Variants in SH2D4A observed in about 807,000 individuals in gnomAD.
The protein encoded by SH2D4A is SH2 domain-containing protein 4A.
In SH2D4A, 70 loss-of-function variants were observed where a neutral mutation model predicts 64.7. That is an observed-to-expected ratio of 1.08 (90% confidence interval 0.89 to 1.32). SH2D4A has a LOEUF of 1.32. SH2D4A is among the 40% of genes most tolerant of loss of function. The pLI is 0.00. For missense variants in SH2D4A, 706 were observed against 540.1 expected (o/e 1.31, Z -3.04); for synonymous variants, 268 against 200.7 (o/e 1.34, Z -2.83).
intron 5 of SH2D4A, among the ~76,000 whole-genome samples, chr8:19,359,461 C>T (rs990195049): frequency 2.6e-4 from 40 of 152,090 alleles, no homozygotes; most frequent in African/African-American, 7.5e-4. Context: ...GTTTCCTAAC[C>T]GTTTAAAAAT....
At chr8:19,378,482 C>G (rs1039152849) in intron 8 of SH2D4A, among the ~76,000 whole-genome samples, 4 of 152,160 alleles carry the variant, frequency 2.6e-5, no homozygotes, top group African/African-American at 9.6e-5. Context: ...GTTGCCCAGG[C>G]TGGAGTGCAG....
At chr8:19,358,682 C>T (rs903078210) in intron 5 of SH2D4A, among the ~76,000 whole-genome samples, 9 of 152,128 alleles carry the variant, frequency 5.9e-5, no homozygotes, top group South Asian at 2.1e-4. Flanking sequence ...CTCTGTAGAA[C>T]AAAGGTGATA....
At chr8:19,385,864 G>A (rs2053382146) in intron 8 of SH2D4A, among the ~76,000 whole-genome samples, 1 of 152,206 alleles carries the variant, frequency 6.6e-6, no homozygotes, top group African/African-American at 2.4e-5. Context: ...GAAGAATGGA[G>A]ATTTCTTAAT....
chr8:19,345,210 G>A (rs2052594120), intron 4 of SH2D4A, among the ~76,000 whole-genome samples: 1 of 152,208 alleles, frequency 6.6e-6, no homozygotes, highest in Non-Finnish European at 1.5e-5. Flanking sequence ...GATGAGCCAG[G>A]ACAGGACCTC....
At chr8:19,371,283 T>C (rs1285897921) in intron 7 of SH2D4A, among the ~76,000 whole-genome samples, 7 of 152,178 alleles carry the variant, frequency 4.6e-5, no homozygotes, top group Non-Finnish European at 8.8e-5. Flanking sequence ...CCTCAGCTTT[T>C]GTTTGTGTGG....
intron 8 of SH2D4A, among the ~76,000 whole-genome samples, chr8:19,374,264 C>T (rs1463826426): frequency 6.6e-6 from 1 of 152,126 alleles, no homozygotes; most frequent in Non-Finnish European, 1.5e-5. Context: ...GTATTTGACC[C>T]AAGAAACTTG....
Position 19,384,224 on chromosome 8 carries a change from G to A in SH2D4A, c.1049-9094G>A, listed in dbSNP as rs187312521. ...GCAACAGTAATTTGGAAGGACAGAG[G>A]GTCAACACCCTCACCAACAGAGAAT... On this transcript the variant is annotated intron_variant, in intron 8 of 9. Transcript: ENST00000265807. Among the ~76,000 whole-genome samples the A allele has an allele frequency of 1.6e-4, 25 of 152,248 alleles. No individual in the cohort carries two copies. The East Asian group carries it at 4.8e-3, about 29-fold the overall frequency.
intron 4 of SH2D4A, among the ~76,000 whole-genome samples, chr8:19,356,220 C>T (rs529351198): frequency 2.0e-5 from 3 of 152,194 alleles, no homozygotes; most frequent in South Asian, 2.1e-4. Context: ...TTGGGAAATG[C>T]GGTATAGTGG....
chr8:19,319,467 T>G lies in SH2D4A; in HGVS notation c.-81T>G. 1 of 1,375,068 alleles carries G rather than the reference T, an allele frequency of 7.3e-7. No individual in the cohort carries two copies. The highest frequency in any genetic ancestry group is 2.1e-5 in the South Asian group (1 of 47,224). 85.2% of individuals were successfully genotyped at this position (1,375,068 alleles called of 1,614,324 possible). On this transcript the variant is annotated 5_prime_UTR_variant, in exon 2 of 10. Coordinates refer to ENST00000265807, the MANE Select transcript of SH2D4A (RefSeq NM_022071.4). Reference sequence around the variant, plus strand: ...GGGAAGTTTCGTGGAAACGCCCAAGTGCCAGCACAGGTGGAGGGACACCTG... The same window carrying G: ...GGGAAGTTTCGTGGAAACGCCCAAGGGCCAGCACAGGTGGAGGGACACCTG...
intron 6 of SH2D4A, 48 bp from the exon 7 acceptor site, chr8:19,364,024 T>G (rs1362635723): frequency 6.3e-7 from 1 of 1,588,180 alleles, no homozygotes; most frequent in Non-Finnish European, 8.6e-7. Context: ...CCTTCTCACC[T>G]GCTCTGTGGG....
chr8:19,385,361 C>T (rs1048816555), intron 8 of SH2D4A, among the ~76,000 whole-genome samples: 1 of 152,106 alleles, frequency 6.6e-6, no homozygotes, highest in African/African-American at 2.4e-5. Flanking sequence ...AAGGCATGGG[C>T]CACCACACCC....
intron 4 of SH2D4A, 30 bp downstream of exon 4, chr8:19,334,887 A>G (rs555026833): frequency 5.1e-6 from 8 of 1,563,524 alleles, no homozygotes; most frequent in Non-Finnish European, 6.9e-6. Flanking sequence ...AGACGTGCGG[A>G]ATTTCATCAT....
At chr8:19,359,612 C>G (rs919994041) in intron 5 of SH2D4A, among the ~76,000 whole-genome samples, 1 of 152,138 alleles carries the variant, frequency 6.6e-6, no homozygotes. Context: ...TTTAACAGTC[C>G]TTTCAAACAT....
At chr8:19,347,057 A>G (rs2052624361) in intron 4 of SH2D4A, among the ~76,000 whole-genome samples, 1 of 152,140 alleles carries the variant, frequency 6.6e-6, no homozygotes. Flanking sequence ...CCCTCTGTAA[A>G]ATAGCTGGCT....
intron 1 of SH2D4A, among the ~76,000 whole-genome samples, chr8:19,314,456 G>T (rs554783944): frequency 1.3e-3 from 201 of 152,194 alleles, no homozygotes; most frequent in Non-Finnish European, 1.8e-3. Flanking sequence ...TGCAGCGGCG[G>T]GGCTGGCCCA....
chr8:19,333,138 G>C, intron 3 of SH2D4A, 24 bp downstream of exon 3: 1 of 1,597,270 alleles, frequency 6.3e-7, no homozygotes, highest in Non-Finnish European at 8.5e-7. Flanking sequence ...AAACCAACCA[G>C]AGACTTAAAG....
chr8:19,377,880 A>G (rs2053223383), intron 8 of SH2D4A, among the ~76,000 whole-genome samples: 1 of 152,174 alleles, frequency 6.6e-6, no homozygotes, highest in Non-Finnish European at 1.5e-5. Flanking sequence ...GTTACACTGC[A>G]TATTGCTACA....
Position 19,317,506 on chromosome 8 carries a change from GTT to G in SH2D4A, c.-204-1836_-204-1835del, listed in dbSNP as rs1291228272. Among the ~76,000 whole-genome samples the G allele has an allele frequency of 5.3e-5, 4 of 75,446 alleles. No individual in the cohort carries two copies. In the Admixed American group the frequency reaches 5.8e-4, roughly 11 times the overall value. 49.5% of individuals were successfully genotyped at this position (75,446 alleles called of 152,430 possible). A position where few individuals can be genotyped will look rare whatever the true frequency, so the allele number is the denominator to read the frequency against. ...GTTGCAGTCAGTAGGGATAGGTGTA[GTT>G]TCATCAAGGGCCTGGCTTCACAATG... is the stretch of plus-strand genomic sequence containing the variant. On this transcript the variant is annotated intron_variant, in intron 1 of 9. Transcript: ENST00000265807.
At chr8:19,382,284 G>C (rs2053306628) in intron 8 of SH2D4A, among the ~76,000 whole-genome samples, 1 of 152,068 alleles carries the variant, frequency 6.6e-6, no homozygotes, top group Admixed American at 6.6e-5. Context: ...AAAGAATCAA[G>C]AATCAGTAGG....
Sources: gnomAD v4.1 joint callset for allele counts (sites outside exome capture counted in the v4.1 genomes callset) on GRCh38, gnomAD v4.1.1 for gene constraint, MANE v1.5 for transcripts, NCBI Gene and HGNC (gene_info 2026-07-23, HGNC 2026-07-21) for gene names.